CNTN5: variants seen among roughly 807,000 people sequenced by gnomAD.
CNTN5 encodes the protein contactin-5.
In CNTN5, 77 loss-of-function variants were observed where a neutral mutation model predicts 129.1. That is an observed-to-expected ratio of 0.60 (90% CI 0.50 to 0.72). The LOEUF (loss-of-function observed/expected upper bound fraction) is 0.72. CNTN5 is among the 30% of genes least tolerant of loss of function. The pLI is 0.00. For missense variants in CNTN5, 1,478 were observed against 1,328.8 expected, an observed-to-expected ratio of 1.11 and a Z score of -1.75; for synonymous variants, 509 against 465.6, an observed-to-expected ratio of 1.09 and a Z score of -1.20.
At chr11:100,074,499 T>G in intron 13 of CNTN5, 1 of 470,546 alleles carries the variant, frequency 2.1e-6, no homozygotes, top group Non-Finnish European at 3.7e-6. Context: ...CTCCATGGGG[T>G]TTTAGCATAA....
intron 9 of CNTN5, among the ~76,000 whole-genome samples, chr11:100,021,684 G>A (rs1941158958): frequency 6.6e-6 from 1 of 152,180 alleles, no homozygotes; most frequent in African/African-American, 2.4e-5. Context: ...ATGAAAGAGT[G>A]TTTATTAAGC....
intron 3 of CNTN5, among the ~76,000 whole-genome samples, chr11:99,800,733 T>TA (rs1223132584): frequency 6.6e-6 from 1 of 152,208 alleles, no homozygotes; most frequent in Non-Finnish European, 1.5e-5. Context: ...TGTTTTTATG[T>TA]AAAAATAATG....
At chr11:99,236,666 G>A (rs979197060) in intron 1 of CNTN5, among the ~76,000 whole-genome samples, 1 of 152,102 alleles carries the variant, frequency 6.6e-6, no homozygotes, top group Non-Finnish European at 1.5e-5. Context: ...TAGAAGAGTG[G>A]CCAAGTCATA....
intron 1 of CNTN5, among the ~76,000 whole-genome samples, chr11:99,324,808 C>CT (rs1865712153): frequency 6.6e-6 from 1 of 151,902 alleles, no homozygotes; most frequent in African/African-American, 2.4e-5. Context: ...CGCCCAGCTA[C>CT]TTTTTTGTAT....
At chr11:99,565,056 A>G (rs1948958556) in intron 3 of CNTN5, among the ~76,000 whole-genome samples, 1 of 152,218 alleles carries the variant, frequency 6.6e-6, no homozygotes, top group African/African-American at 2.4e-5. Flanking sequence ...TAGTACAAAT[A>G]GCTTCCTTTT....
chr11:100,198,705 G>C (rs893439449), intron 15 of CNTN5, among the ~76,000 whole-genome samples: 1 of 151,786 alleles, frequency 6.6e-6, no homozygotes, highest in Non-Finnish European at 1.5e-5. Context: ...TCTAAAGTTC[G>C]TTTCATTATC....
At chr11:99,982,893 G>A (rs527960534) in intron 8 of CNTN5, among the ~76,000 whole-genome samples, 22 of 152,134 alleles carry the variant, frequency 1.4e-4, no homozygotes, top group East Asian at 1.4e-3. Context: ...CGCCCACCTC[G>A]GCCTCCCAAA....
At chr11:99,358,316 A>G (rs28581751) in intron 2 of CNTN5, among the ~76,000 whole-genome samples, 70,436 of 131,414 alleles carry the variant, frequency 0.54, 19,581 homozygotes, top group African/African-American at 0.67. Flanking sequence ...GGATGATCTC[A>G]ATCTCCTGAC....
rs1163660333 is a variant in CNTN5, at chr11:99,382,845, C to CTTTTTTTTTTTTTTTTTTTTTTT, written c.-71+57369_-71+57391dup. Among the ~76,000 whole-genome samples the CTTTTTTTTTTTTTTTTTTTTTTT allele has an allele frequency of 3.9e-5, 3 of 77,032 alleles. 1 individual carries two copies. The highest frequency in any genetic ancestry group is 6.4e-5 in the Non-Finnish European group (3 of 46,732). The allele number at this position is 77,032 out of a possible 152,430, so 50.5% of individuals were successfully genotyped here. ...ACATCTCACTAGTGTCTCTAAATAA[C>CTTTTTTTTTTTTTTTTTTTTTTT]TTTTTTTTTTTTTTTTTTTTTTTTT... is the stretch of plus-strand genomic sequence containing the variant. On this transcript the variant is annotated intron_variant, in intron 2 of 24. Coordinates refer to ENST00000524871, the MANE Select transcript of CNTN5 (RefSeq NM_014361.4).
intron 3 of CNTN5, among the ~76,000 whole-genome samples, chr11:99,755,750 CCCT>C (rs1420853556): frequency 6.6e-6 from 1 of 151,874 alleles, no homozygotes; most frequent in African/African-American, 2.4e-5. Flanking sequence ...GAATTAGAGA[CCCT>C]GAAAGAAGTT....
At chr11:99,408,065 T>C (rs1013097792) in intron 2 of CNTN5, among the ~76,000 whole-genome samples, 1 of 152,076 alleles carries the variant, frequency 6.6e-6, no homozygotes, top group Non-Finnish European at 1.5e-5. Flanking sequence ...CAAAGGTGCT[T>C]TTTTCTGTAG....
At chr11:100,073,827 A>G (rs923950070) in intron 12 of CNTN5, among the ~76,000 whole-genome samples, 6 of 152,146 alleles carry the variant, frequency 3.9e-5, no homozygotes, top group African/African-American at 1.4e-4. Context: ...TCTGTCAGTT[A>G]GCCTTTTGCT....
intron 15 of CNTN5, among the ~76,000 whole-genome samples, chr11:100,213,143 C>T (rs1424396966): frequency 6.6e-6 from 1 of 152,098 alleles, no homozygotes. Flanking sequence ...AATAGATCAG[C>T]ATCCTTTATT....
intron 2 of CNTN5, among the ~76,000 whole-genome samples, chr11:99,462,360 C>CTTTTTTT (rs72276833): frequency 1.1e-4 from 14 of 125,260 alleles, no homozygotes; most frequent in South Asian, 5.3e-4. Context: ...CTTTTCTTTT[C>CTTTTTTT]TTTTTTTTTT....
At chr11:100,246,383 C>G (rs1949840700) in intron 16 of CNTN5, among the ~76,000 whole-genome samples, 1 of 152,000 alleles carries the variant, frequency 6.6e-6, no homozygotes, top group South Asian at 2.1e-4. Context: ...TATTCTGACT[C>G]TTTGTCCAAA....
intron 8 of CNTN5, among the ~76,000 whole-genome samples, chr11:99,971,117 CATA>C (rs1951238863): frequency 1.3e-5 from 2 of 152,188 alleles, no homozygotes. Context: ...CTGCCACTTT[CATA>C]ATACCACCCA....
At chr11:100,255,696 A>G in intron 16 of CNTN5, 64 bp from the exon 17 acceptor site, 1 of 1,423,846 alleles carries the variant, frequency 7.0e-7, no homozygotes, top group Non-Finnish European at 9.8e-7. Flanking sequence ...TATTGGAAAT[A>G]TAATTTCTCA....
intron 13 of CNTN5, among the ~76,000 whole-genome samples, chr11:100,183,084 G>A (rs965704200): frequency 1.3e-5 from 2 of 152,118 alleles, no homozygotes; most frequent in Non-Finnish European, 2.9e-5. Flanking sequence ...TACTTGTTAT[G>A]ATAGCTAAAA....
intron 2 of CNTN5, among the ~76,000 whole-genome samples, chr11:99,356,061 C>T (rs1163895774): frequency 2.0e-5 from 3 of 151,826 alleles, no homozygotes; most frequent in African/African-American, 7.3e-5. Context: ...CTCCTGACCT[C>T]GTGATCTACC....
Sources: gnomAD v4.1 joint callset for allele counts (sites outside exome capture counted in the v4.1 genomes callset) on GRCh38, gnomAD v4.1.1 for gene constraint, MANE v1.5 for transcripts, NCBI Gene and HGNC (gene_info 2026-07-23, HGNC 2026-07-21) for gene names.